Variants in MYO1H observed in about 807,000 individuals in gnomAD.
The protein encoded by MYO1H is myosin IH.
Under a neutral mutation model 149.3 loss-of-function variants are expected in MYO1H, and 118 were observed. The ratio of observed to expected loss-of-function variants is 0.79; its 90% CI spans 0.68 to 0.92. The LOEUF (loss-of-function observed/expected upper bound fraction) is 0.92, where lower values mean the gene tolerates loss of function less well. Among genes scored for constraint, MYO1H ranks in the 40% least tolerant of loss-of-function variants. The pLI is 0.00. For missense variants in MYO1H, 1,212 were observed against 1,280.7 expected (o/e 0.95, Z 0.82); for synonymous variants, 447 against 465.2 (o/e 0.96, Z 0.50).
At chr12:109,396,631 AAGTG>A (rs1464906829) in intron 4 of MYO1H, 49 bp downstream of exon 4, 1 of 1,526,144 alleles carries the variant, frequency 6.6e-7, no homozygotes, top group South Asian at 1.3e-5. Context: ...GGAGGTCACT[AAGTG>A]AGACAAATCC....
chr12:109,443,092 A>ATATATGTGTAAGTATGTGTG lies in MYO1H; in HGVS notation c.2689-412_2689-411insAGTATGTGTGTATATGTGTA, dbSNP rs1872258207. 2.6e-5 allele frequency among the ~76,000 whole-genome samples: 2 copies of ATATATGTGTAAGTATGTGTG among 77,954 alleles called. 1 individual carries two copies. The highest frequency in any genetic ancestry group is 1.0e-4 in the African/African-American group (2 of 20,094). 51.1% of individuals were successfully genotyped at this position (77,954 alleles called of 152,430 possible). ...TGTATATATGTGTACGTATGTGTGT[A>ATATATGTGTAAGTATGTGTG]TATATGTGTACGTATATGTGTGTAT... is the stretch of plus-strand genomic sequence containing the variant. On this transcript the variant is annotated intron_variant, in intron 27 of 31. Coordinates refer to ENST00000310903, the Ensembl canonical transcript of MYO1H.
At chr12:109,420,115 G>A (rs1871111356) in intron 15 of MYO1H, among the ~76,000 whole-genome samples, 1 of 152,092 alleles carries the variant, frequency 6.6e-6, no homozygotes, top group Admixed American at 6.6e-5. Flanking sequence ...TTGAAGTTCA[G>A]TGCCACTCTG....
chr12:109,371,344 G>C (rs964310656), intron 1 of MYO1H, among the ~76,000 whole-genome samples: 1 of 150,406 alleles, frequency 6.6e-6, no homozygotes, highest in Non-Finnish European at 1.5e-5. Flanking sequence ...GGCCTCCTAA[G>C]TAGCTGGGAC....
exon 17 of MYO1H, chr12:109,424,819 G>A (rs765231423): frequency 2.5e-6 from 4 of 1,613,546 alleles, no homozygotes; most frequent in East Asian, 2.2e-5. Flanking sequence ...ACCGGAGGAG[G>A]CCCCCAACAG....
chr12:109,446,353 G>A, intron 31 of MYO1H: 5 of 985,364 alleles, frequency 5.1e-6, no homozygotes, highest in Non-Finnish European at 6.0e-6. Context: ...AGAGGGAGCT[G>A]AATCTTTAAA....
At chr12:109,439,375 A>C (rs1473264018) in intron 23 of MYO1H, among the ~76,000 whole-genome samples, 1 of 152,156 alleles carries the variant, frequency 6.6e-6, no homozygotes, top group African/African-American at 2.4e-5. Context: ...CACCATGCCC[A>C]GCCTTGAAAT....
chr12:109,345,821 C>A (rs2048101003), upstream of MYO1H, among the ~76,000 whole-genome samples: 1 of 152,056 alleles, frequency 6.6e-6, no homozygotes, highest in African/African-American at 2.4e-5. Context: ...CTTGAAGACA[C>A]AATGCTAAGT....
At chr12:109,371,713 T>C (rs1868986582) in intron 1 of MYO1H, among the ~76,000 whole-genome samples, 2 of 152,206 alleles carry the variant, frequency 1.3e-5, no homozygotes, top group Non-Finnish European at 2.9e-5. Flanking sequence ...AAAGAATATA[T>C]GCCTAATTTT....
At chr12:109,368,165 T>C (rs1868907485) in intron 1 of MYO1H, among the ~76,000 whole-genome samples, 1 of 152,232 alleles carries the variant, frequency 6.6e-6, no homozygotes, top group African/African-American at 2.4e-5. Context: ...ACAAGATGGT[T>C]TGTGACATGC....
chr12:109,338,445 C>G, the MYO1H span, among the ~76,000 whole-genome samples: 1 of 152,246 alleles, frequency 6.6e-6, no homozygotes, highest in African/African-American at 2.4e-5. Flanking sequence ...TCCAGTCTGA[C>G]CTCTCTTGGG....
At chr12:109,317,685 C>CT in the MYO1H span, among the ~76,000 whole-genome samples, 3 of 152,166 alleles carry the variant, frequency 2.0e-5, no homozygotes, top group African/African-American at 7.2e-5. Flanking sequence ...GCTTTGTTTC[C>CT]TTTTAGGGAT....
chr12:109,439,664 C>T (rs1872028527), exon 24 of MYO1H: 7 of 1,613,654 alleles, frequency 4.3e-6, no homozygotes, highest in Non-Finnish European at 5.9e-6. Flanking sequence ...GCAACAAACC[C>T]CTCTGTCCTG....
At chr12:109,392,818 G>A (rs1031874222) in intron 2 of MYO1H, among the ~76,000 whole-genome samples, 4 of 151,404 alleles carry the variant, frequency 2.6e-5, no homozygotes, top group Admixed American at 2.6e-4. Flanking sequence ...TATTTATTTA[G>A]TTAGTTTTTT....
chr12:109,406,732 T>G (rs537225146), intron 8 of MYO1H, 57 bp from the exon 9 acceptor site: 1 of 1,540,248 alleles, frequency 6.5e-7, no homozygotes, highest in Non-Finnish European at 9.0e-7. Flanking sequence ...AAAAAAATAA[T>G]AAAAAGCAAG....
chr12:109,394,971 A>C (rs1869827723), intron 3 of MYO1H, among the ~76,000 whole-genome samples: 1 of 152,162 alleles, frequency 6.6e-6, no homozygotes, highest in Admixed American at 6.5e-5. Context: ...TGTGTTGCCC[A>C]TGCTGGTCTC....
intron 22 of MYO1H, among the ~76,000 whole-genome samples, chr12:109,438,004 C>CT (rs1179290377): frequency 1.3e-5 from 2 of 149,130 alleles, no homozygotes; most frequent in African/African-American, 5.0e-5. Context: ...GGGAGAATTG[C>CT]TTGAACCCAG....
intron 1 of MYO1H, among the ~76,000 whole-genome samples, chr12:109,376,341 A>G (rs568503666): frequency 1.3e-5 from 2 of 152,336 alleles, no homozygotes; most frequent in South Asian, 4.1e-4. Context: ...ATGAAGTCAT[A>G]TAGTAGTTGT....
the MYO1H span, among the ~76,000 whole-genome samples, chr12:109,315,829 G>C: frequency 2.0e-5 from 3 of 152,160 alleles, no homozygotes; most frequent in Non-Finnish European, 4.4e-5. Flanking sequence ...CTGTGTCTGT[G>C]TTGCTATCAA....
chr12:109,311,320 G>T, the MYO1H span, among the ~76,000 whole-genome samples: 4 of 152,112 alleles, frequency 2.6e-5, no homozygotes, highest in Admixed American at 1.3e-4. Flanking sequence ...TGTTGGGGAG[G>T]CCATTTAATT....
Sources: gnomAD v4.1 joint callset for allele counts (sites outside exome capture counted in the v4.1 genomes callset) on GRCh38, gnomAD v4.1.1 for gene constraint, MANE v1.5 for transcripts, NCBI Gene and HGNC (gene_info 2026-07-23, HGNC 2026-07-21) for gene names.